Variants in ARHGEF11 observed in about 807,000 individuals in gnomAD.
The protein encoded by ARHGEF11 is Rho guanine nucleotide exchange factor 11, also known as Rho guanine exchange factor (GEF) 11.
A neutral mutation model predicts 193.7 loss-of-function variants in ARHGEF11; 55 were observed. The ratio of observed to expected loss-of-function variants is 0.28; its 90% confidence interval spans 0.23 to 0.36. ARHGEF11 has a LOEUF of 0.36. ARHGEF11 is among the 10% of genes least tolerant of loss of function. ARHGEF11 has a pLI of 1.00. For synonymous variants in ARHGEF11, 693 were observed against 768.0 expected, an observed-to-expected ratio of 0.90 and a Z score of 1.62; for missense variants, 1,723 against 2,005.6, an observed-to-expected ratio of 0.86 and a Z score of 2.69.
At chr1:157,034,555 T>C (rs1448476917) in intron 1 of ARHGEF11, among the ~76,000 whole-genome samples, 1 of 152,220 alleles carries the variant, frequency 6.6e-6, no homozygotes, top group Admixed American at 6.5e-5. Flanking sequence ...TGTTTAGAGC[T>C]TGCTTTCTTA....
chr1:156,937,454 G>A lies in ARHGEF11; in HGVS notation c.4235C>T (p.Ser1412Leu). The A allele has an allele frequency of 1.3e-6, 2 of 1,547,262 alleles. No individual in the cohort carries two copies. Among genetic ancestry groups the A allele is most frequent in the Non-Finnish European group, 1.7e-6 (2 of 1,150,188 alleles). Residue 1412 changes from serine to leucine, a missense_variant, in exon 39 of 41, where the codon TCA (serine) becomes TTA (leucine). Around this residue, in one of 5 missense-constraint regions of ARHGEF11, gnomAD observed 360 missense variants for 344.4 expected, o/e 1.05. Coordinates refer to ENST00000368194, the MANE Select transcript of ARHGEF11 (RefSeq NM_198236.3). ...GGGTGCCTCTGAGTGGTCGGTGCTT[G>A]AGTCCGGGGGTCCTGATGGCATGCT... Reference protein sequence around the residue: ...YVSMPSGPPDSSTDHSEAPMS... With the variant: ...YVSMPSGPPDLSTDHSEAPMS...
chr1:156,991,689 G>A (rs1383426185), intron 1 of ARHGEF11, among the ~76,000 whole-genome samples: 1 of 147,970 alleles, frequency 6.8e-6, no homozygotes, highest in East Asian at 2.0e-4. Flanking sequence ...TGAATTTTAG[G>A]GTTTTCTTTT....
intron 22 of ARHGEF11, 128 bp downstream of exon 22, chr1:156,951,445 G>C: frequency 7.8e-7 from 1 of 1,284,938 alleles, no homozygotes; most frequent in Non-Finnish European, 1.1e-6. Context: ...GGGTGGGGAG[G>C]AAGTTCTGTA....
Position 156,957,822 on chromosome 1 carries a change from T to G in ARHGEF11, c.1503-7A>C. The G allele has an allele frequency of 6.2e-7, 1 of 1,613,992 alleles. No individual in the cohort carries two copies. The highest frequency in any genetic ancestry group is 8.5e-7 in the Non-Finnish European group (1 of 1,179,958). On this transcript the variant is annotated splice_region_variant and splice_polypyrimidine_tract_variant and intron_variant, in intron 17 of 40. Coordinates refer to ENST00000368194, the MANE Select transcript of ARHGEF11 (RefSeq NM_198236.3). ...GTCTTCCTCATACTTGGACCTGGAA[T>G]GGAAGAAAGAACAGATGACTCAGAC...
chr1:157,018,337 A>C (rs951307817), intron 1 of ARHGEF11, among the ~76,000 whole-genome samples: 3 of 152,092 alleles, frequency 2.0e-5, no homozygotes, highest in African/African-American at 7.2e-5. Context: ...TTGATTCCAA[A>C]ATCTATATAG....
chr1:156,979,399 TC>T (rs1273033027), intron 4 of ARHGEF11, 113 bp from the exon 5 acceptor site: 1 of 768,516 alleles, frequency 1.3e-6, no homozygotes, highest in Non-Finnish European at 2.1e-6. Flanking sequence ...GGAGTCTTGC[TC>T]TGTCACCCAG....
intron 29 of ARHGEF11, chr1:156,945,449 C>T (rs1305142013): frequency 3.9e-6 from 2 of 518,016 alleles, no homozygotes; most frequent in East Asian, 6.8e-5. Flanking sequence ...GCCTCTACTA[C>T]AACCAGCTCT....
At chr1:156,977,153 T>G in intron 6 of ARHGEF11, 99 bp from the exon 7 acceptor site, 2 of 1,001,920 alleles carry the variant, frequency 2.0e-6, no homozygotes, top group East Asian at 2.4e-5. Context: ...GCTATGAGAA[T>G]AGAGCCTGGA....
chr1:156,948,609 G>A lies in ARHGEF11; in HGVS notation c.1926-111C>T, dbSNP rs1433485039. On this transcript the variant is annotated intron_variant, in intron 22 of 40. Transcript: ENST00000368194. This position sits in a 1 kb window ranked among gnomAD's most constrained non-coding sequence, Gnocchi z 4.2. The stretch of plus-strand genomic sequence containing the variant: ...TCTCAAAGATGCCTCCGTGCCACAG[G>A]TTCTCCTCCTGAACATGGCCAAAGC... The A allele has an allele frequency of 2.5e-6, 4 of 1,599,634 alleles. No homozygotes were observed. Among genetic ancestry groups the A allele is most frequent in the Middle Eastern group, 1.7e-4 (1 of 6,056 alleles).
intron 1 of ARHGEF11, among the ~76,000 whole-genome samples, chr1:156,992,193 T>C (rs188223418): frequency 7.1e-4 from 108 of 152,350 alleles, no homozygotes; most frequent in Non-Finnish European, 1.3e-3. Flanking sequence ...TAAATACCTA[T>C]ACATATTCTT....
Position 156,934,860 on chromosome 1 carries a change from T to A in ARHGEF11, c.*1140A>T, listed in dbSNP as rs1654786624. On this transcript the variant is annotated 3_prime_UTR_variant, in exon 41 of 41. Coordinates refer to ENST00000368194, the MANE Select transcript of ARHGEF11 (RefSeq NM_198236.3). ...ACCACTGAAGGATATTTAACTTTTC[T>A]TAAAAAAAAAATCTTAACCATGAAA... 1 of 150,580 alleles carries A rather than the reference T, an allele frequency of 6.6e-6. No individual in the cohort carries two copies. Among genetic ancestry groups the A allele is most frequent in the Non-Finnish European group, 1.5e-5 (1 of 67,748 alleles). The allele number at this position is 150,580 out of a possible 1,614,324, so 9.3% of individuals were successfully genotyped here. A position where few individuals can be genotyped will look rare whatever the true frequency, so the allele number is the denominator to read the frequency against.
intron 7 of ARHGEF11, among the ~76,000 whole-genome samples, chr1:156,973,536 T>A (rs1316845672): frequency 6.6e-6 from 1 of 152,196 alleles, no homozygotes; most frequent in Non-Finnish European, 1.5e-5. Context: ...AATCTCTGTT[T>A]CAACCCAGGC....
chr1:156,944,559 C>T, intron 30 of ARHGEF11, 126 bp from the exon 31 acceptor site: 1 of 987,636 alleles, frequency 1.0e-6, no homozygotes, highest in East Asian at 2.4e-5. Flanking sequence ...AGTCCTTGCC[C>T]TTACTCTCTT....
At chr1:156,996,509 C>A (rs1666507708) in intron 1 of ARHGEF11, among the ~76,000 whole-genome samples, 1 of 151,988 alleles carries the variant, frequency 6.6e-6, no homozygotes, top group Non-Finnish European at 1.5e-5. Flanking sequence ...GATCTCACAA[C>A]AAGGAGTGTA....
rs1483811907 is a variant in ARHGEF11 at position 156,940,439 on chromosome 1, G to C, written c.3515-14C>G. On this transcript the variant is annotated splice_polypyrimidine_tract_variant and intron_variant, in intron 35 of 40. Coordinates refer to ENST00000368194, the MANE Select transcript of ARHGEF11 (RefSeq NM_198236.3). Reference sequence around the variant, plus strand: ...GGGACCCAGTGCCTGTTTCGGATGAGAGAAGATTGTAAGGCAGGGAAAGGG... The same window carrying C: ...GGGACCCAGTGCCTGTTTCGGATGACAGAAGATTGTAAGGCAGGGAAAGGG... The C allele has an allele frequency of 1.9e-6, 3 of 1,590,230 alleles. No homozygotes were observed. In the South Asian group the frequency reaches 3.4e-5, roughly 18 times the overall value.
intron 1 of ARHGEF11, among the ~76,000 whole-genome samples, chr1:157,037,211 C>T (rs1007088201): frequency 6.6e-6 from 1 of 152,128 alleles, no homozygotes; most frequent in Non-Finnish European, 1.5e-5. Context: ...GGGAATCCTG[C>T]CACTCCTCTT....
chr1:156,956,615 T>G lies in ARHGEF11; in HGVS notation c.1527-51A>C, dbSNP rs143690429. On this transcript the variant is annotated intron_variant, in intron 18 of 40. Transcript: ENST00000368194. Reference sequence around the variant, plus strand: ...ATCAGAGAGCTCAAGTTATCTTCCCTGTGCCAAACAATCTCTTCACCACCA... The same window carrying G: ...ATCAGAGAGCTCAAGTTATCTTCCCGGTGCCAAACAATCTCTTCACCACCA... 31 of 1,608,242 alleles carry G rather than the reference T, an allele frequency of 1.9e-5. No homozygotes were observed. In the Middle Eastern group the frequency reaches 9.9e-4, roughly 52 times the overall value.
intron 7 of ARHGEF11, among the ~76,000 whole-genome samples, chr1:156,976,002 ATATAG>A (rs1439235863): frequency 2.6e-5 from 4 of 152,200 alleles, no homozygotes; most frequent in African/African-American, 7.2e-5. Flanking sequence ...ACTTATCATA[ATATAG>A]TATATCTTCA....
At chr1:157,001,357 C>T (rs551487883) in intron 1 of ARHGEF11, among the ~76,000 whole-genome samples, 128 of 152,292 alleles carry the variant, frequency 8.4e-4, no homozygotes, top group African/African-American at 3.0e-3. Flanking sequence ...AGAAGGCCAG[C>T]CAAGAGAAAA....
Sources: allele counts gnomAD v4.1 joint callset (sites outside exome capture counted in the v4.1 genomes callset), GRCh38; gene constraint gnomAD v4.1.1; regional missense constraint gnomAD v4.1.1; non-coding constraint Gnocchi (gnomAD v3.1); transcripts MANE v1.5; gene names NCBI Gene and HGNC (gene_info 2026-07-23, HGNC 2026-07-21).